The following CAST variants were observed in gnomAD, a reference collection of about 807,000 sequenced individuals.
CAST encodes calpastatin, also known as MIR583 host.
Under a neutral mutation model 119.6 loss-of-function variants are expected in CAST, and 76 were observed. The ratio of observed to expected loss-of-function variants is 0.64; its 90% CI spans 0.53 to 0.77. CAST has a LOEUF of 0.77. Among genes scored for constraint, CAST ranks in the 30% least tolerant of loss-of-function variants. The pLI is 0.00. For synonymous variants in CAST, 319 were observed against 331.6 expected, an observed-to-expected ratio of 0.96 and a Z score of 0.41; for missense variants, 953 against 946.5, an observed-to-expected ratio of 1.01 and a Z score of -0.09.
At chr5:96,278,842 G>A in the CAST span, 1 of 152,100 alleles carries the variant, frequency 6.6e-6, no homozygotes, top group Non-Finnish European at 1.5e-5. Flanking sequence ...TTACATGCAT[G>A]TATATATACA....
chr5:96,534,745 GAAAGAAAGAAAGAAAGAAAGAA>G (rs1434910085), intron 1 of CAST, among the ~76,000 whole-genome samples: 13 of 21,310 alleles, frequency 6.1e-4, no homozygotes, highest in African/African-American at 1.6e-3. Flanking sequence ...GAGAGAGAAA[GAAAGAAAGAAAGAAAGAAAGAA>G]AGAAAGAAAG....
chr5:96,759,832 G>A (rs1048793600), intron 24 of CAST, among the ~76,000 whole-genome samples: 1 of 151,858 alleles, frequency 6.6e-6, no homozygotes, highest in Non-Finnish European at 1.5e-5. Flanking sequence ...TTACAAAACT[G>A]ATAAATAGAG....
the CAST span, among the ~76,000 whole-genome samples, chr5:96,505,152 T>C: frequency 6.6e-6 from 1 of 152,248 alleles, no homozygotes. Flanking sequence ...ATGGTTAGCA[T>C]GTGCTTAGCT....
Position 96,577,239 on chromosome 5 carries a change from T to C in CAST, c.60+47359T>C, listed in dbSNP as rs979094357. On this transcript the variant is annotated intron_variant, in intron 1 of 11. Transcript: ENST00000505143. ...GTCACAGAATTCCATTATTATCTTG[T>C]AGGATTTGTAATGATCTAACTTTAC... is the stretch of plus-strand genomic sequence containing the variant. 4.6e-5 allele frequency among the ~76,000 whole-genome samples: 7 copies of C among 152,162 alleles called. 1 individual carries two copies. The highest frequency in any genetic ancestry group is 2.9e-5 in the Non-Finnish European group (2 of 68,020).
the CAST span, among the ~76,000 whole-genome samples, chr5:96,265,727 A>C: frequency 2.0e-5 from 3 of 152,192 alleles, no homozygotes; most frequent in Non-Finnish European, 4.4e-5. Flanking sequence ...AGTCAAGTTG[A>C]CACATAAAAT....
At chr5:96,507,628 A>G in the CAST span, among the ~76,000 whole-genome samples, 2 of 152,192 alleles carry the variant, frequency 1.3e-5, no homozygotes, top group African/African-American at 4.8e-5. Context: ...GGGAGAAAGG[A>G]TGAGTCTATG....
the CAST span, among the ~76,000 whole-genome samples, chr5:96,060,562 T>C: frequency 6.6e-6 from 1 of 152,016 alleles, no homozygotes; most frequent in Non-Finnish European, 1.5e-5. Context: ...CTGGAAGCAG[T>C]ATATTCAACA....
chr5:96,644,901 G>A (rs1394240832), intron 1 of CAST, among the ~76,000 whole-genome samples: 2 of 152,114 alleles, frequency 1.3e-5, no homozygotes, highest in Non-Finnish European at 2.9e-5. Flanking sequence ...GCTTGAGCCT[G>A]GGAGGCAGAG....
chr5:96,399,856 A>G, the CAST span: 6 of 916,900 alleles, frequency 6.5e-6, no homozygotes, highest in Non-Finnish European at 1.1e-5. Context: ...CATCTACTTC[A>G]GAAGGGTAGA....
chr5:96,553,907 A>G (rs1027626078), intron 1 of CAST, among the ~76,000 whole-genome samples: 2 of 152,218 alleles, frequency 1.3e-5, no homozygotes, highest in East Asian at 1.9e-4. Flanking sequence ...ATAAGAGAGG[A>G]CACAAACAAA....
chr5:96,372,531 G>T, the CAST span, among the ~76,000 whole-genome samples: 1 of 152,088 alleles, frequency 6.6e-6, no homozygotes, highest in East Asian at 1.9e-4. Flanking sequence ...ACCCACCAGG[G>T]ACTGCTGCAT....
chr5:96,117,947 A>G, the CAST span, among the ~76,000 whole-genome samples: 2 of 152,198 alleles, frequency 1.3e-5, no homozygotes, highest in South Asian at 2.1e-4. Context: ...AAATGCCTAC[A>G]AAAAGTTCTC....
At chr5:96,206,203 A>G in the CAST span, among the ~76,000 whole-genome samples, 1 of 151,826 alleles carries the variant, frequency 6.6e-6, no homozygotes, top group Non-Finnish European at 1.5e-5. Flanking sequence ...TATAGATAGT[A>G]GACTTTGTCA....
At chr5:96,661,165 G>A (rs1039738000), upstream of CAST, among the ~76,000 whole-genome samples, 2 of 149,662 alleles carry the variant, frequency 1.3e-5, no homozygotes, top group East Asian at 3.9e-4. Flanking sequence ...TGTAATCCTA[G>A]CACTTTGGGA....
chr5:96,030,263 G>A, the CAST span, among the ~76,000 whole-genome samples: 5 of 152,222 alleles, frequency 3.3e-5, no homozygotes, highest in South Asian at 1.0e-3. Flanking sequence ...TTGCTATGAA[G>A]TTTTGTTGTC....
chr5:96,774,392 G>A lies in CAST; in HGVS notation c.*1776G>A, dbSNP rs891035486. 5 of 444,748 alleles carry A rather than the reference G, an allele frequency of 1.1e-5. No individual in the cohort carries two copies. Among genetic ancestry groups the A allele is most frequent in the African/African-American group, 8.5e-5 (4 of 47,036 alleles). The allele number at this position is 444,748 out of a possible 1,614,324, so 27.6% of individuals were successfully genotyped here. A position where few individuals can be genotyped will look rare whatever the true frequency, so the allele number is the denominator to read the frequency against. On this transcript the variant is annotated 3_prime_UTR_variant, in exon 32 of 32. Transcript: ENST00000675179. ...AAATATCTTCGAGACTTGGGTGTTT[G>A]TTAATAACTAATAACTGGAGTAAGC...
At chr5:96,476,617 G>A in the CAST span, among the ~76,000 whole-genome samples, 1 of 152,128 alleles carries the variant, frequency 6.6e-6, no homozygotes. Context: ...AAAATTATAA[G>A]CACGTTTCAA....
the CAST span, among the ~76,000 whole-genome samples, chr5:96,074,402 A>G: frequency 1.3e-5 from 2 of 152,194 alleles, no homozygotes; most frequent in Admixed American, 1.3e-4. Context: ...GTGCCCTTAC[A>G]AGAAGAGACA....
At chr5:96,498,920 C>T in the CAST span, among the ~76,000 whole-genome samples, 1 of 151,514 alleles carries the variant, frequency 6.6e-6, no homozygotes, top group African/African-American at 2.4e-5. Flanking sequence ...GACCATTCTT[C>T]TTCCAAATTT....
Sources: allele counts gnomAD v4.1 joint callset (sites outside exome capture counted in the v4.1 genomes callset), GRCh38; gene constraint gnomAD v4.1.1; transcripts MANE v1.5; gene names NCBI Gene and HGNC (gene_info 2026-07-23, HGNC 2026-07-21).